FNTB: variants seen among roughly 807,000 people sequenced by gnomAD.
The protein encoded by FNTB is protein farnesyltransferase subunit beta.
FNTB carries 27 observed loss-of-function variants against 59.4 expected under a neutral mutation model. The observed-to-expected ratio is 0.45, with a 90% CI of 0.34 to 0.63. The LOEUF (loss-of-function observed/expected upper bound fraction) is 0.63. Among genes scored for constraint, FNTB ranks in the 20% least tolerant of loss-of-function variants. The pLI, the probability that FNTB is intolerant of heterozygous loss-of-function variation, is 0.02. For synonymous variants in FNTB, 230 were observed against 220.7 expected (o/e 1.04, Z -0.37); for missense variants, 449 against 559.6 (o/e 0.80, Z 1.99).
chr14:65,016,774 G>T (rs535844191), intron 4 of FNTB, among the ~76,000 whole-genome samples: 7 of 152,308 alleles, frequency 4.6e-5, no homozygotes, highest in African/African-American at 1.7e-4. Flanking sequence ...CTTGTGGTAC[G>T]TAGGATGCTT....
chr14:65,057,940 G>C (rs2139689114), intron 11 of FNTB, among the ~76,000 whole-genome samples: 1 of 152,264 alleles, frequency 6.6e-6, no homozygotes, highest in Admixed American at 6.5e-5. Flanking sequence ...TTTTAAGCAA[G>C]TCTGAAAACA....
intron 7 of FNTB, among the ~76,000 whole-genome samples, chr14:65,035,328 C>T (rs970869001): frequency 2.6e-5 from 4 of 152,188 alleles, no homozygotes; most frequent in African/African-American, 4.8e-5. Context: ...TCAAACTCCA[C>T]CAAAATCTGC....
At chr14:65,051,674 C>T (rs1389555637) in intron 9 of FNTB, among the ~76,000 whole-genome samples, 2 of 152,032 alleles carry the variant, frequency 1.3e-5, no homozygotes, top group Middle Eastern at 3.2e-3. Flanking sequence ...TCTTTATAGA[C>T]TGTATCATAA....
chr14:64,993,820 C>T (rs1414273110), intron 1 of FNTB, among the ~76,000 whole-genome samples: 1 of 150,886 alleles, frequency 6.6e-6, no homozygotes, highest in African/African-American at 2.4e-5. Flanking sequence ...CTATTCTCTG[C>T]TTTTATTGAT....
At position 65,028,642 on chromosome 14, in the gene FNTB, A is replaced by G. The variant is rs985797761; in HGVS notation, c.605+861A>G. Among the ~76,000 whole-genome samples the G allele has an allele frequency of 1.3e-5, 2 of 152,234 alleles. No homozygotes were observed. Among genetic ancestry groups the G allele is most frequent in the Non-Finnish European group, 2.9e-5 (2 of 68,044 alleles). On this transcript the variant is annotated intron_variant, in intron 6 of 11. Coordinates refer to ENST00000246166, the MANE Select transcript of FNTB (RefSeq NM_002028.4). The surrounding 1 kb of genome is among the most constrained non-coding windows in gnomAD (Gnocchi z 4.4). ...TTGTGGAGCATAAAATACATTACAGATAATAGGTAATCAGGCTGCAAAGGC... is the reference window on the plus strand; with the variant it reads ...TTGTGGAGCATAAAATACATTACAGGTAATAGGTAATCAGGCTGCAAAGGC...
chr14:65,052,555 C>T (rs1296105083), intron 9 of FNTB, among the ~76,000 whole-genome samples: 2 of 152,122 alleles, frequency 1.3e-5, no homozygotes, highest in Admixed American at 6.6e-5. Flanking sequence ...ACTGTGTGGC[C>T]CACAGAATTC....
In FNTB at chr14:65,007,127, A is replaced by G. The variant is rs1258013577; in HGVS notation, c.209+2814A>G. On this transcript the variant is annotated intron_variant, in intron 2 of 11. Coordinates refer to ENST00000246166, the MANE Select transcript of FNTB (RefSeq NM_002028.4). This position sits in a 1 kb window ranked among gnomAD's most constrained non-coding sequence, Gnocchi z 4.9. ...ACATTTTGGCTGAATGGCTGAGTATATAATTCAACATATCAATATAAGGCT... is the reference window on the plus strand; with the variant it reads ...ACATTTTGGCTGAATGGCTGAGTATGTAATTCAACATATCAATATAAGGCT... Among the ~76,000 whole-genome samples the G allele has an allele frequency of 2.6e-5, 4 of 152,264 alleles. No homozygotes were observed. The highest frequency in any genetic ancestry group is 6.5e-5 in the Admixed American group (1 of 15,290).
chr14:64,993,355 T>C (rs545526775), intron 1 of FNTB, among the ~76,000 whole-genome samples: 1 of 152,354 alleles, frequency 6.6e-6, no homozygotes, highest in African/African-American at 2.4e-5. Flanking sequence ...CCAGGGATAA[T>C]TACTAAATTT....
chr14:65,000,815 CAAAAA>C (rs59420832), intron 1 of FNTB, among the ~76,000 whole-genome samples: 5 of 36,460 alleles, frequency 1.4e-4, no homozygotes, highest in South Asian at 1.5e-3. Context: ...GACTCCGTCT[CAAAAA>C]AAAAAAAAAA....
In FNTB at chr14:65,009,342, C is replaced by T. The variant is rs1440776261; in HGVS notation, c.210-2975C>T. 3.9e-5 allele frequency among the ~76,000 whole-genome samples: 6 copies of T among 152,094 alleles called. No individual in the cohort carries two copies. Among genetic ancestry groups the T allele is most frequent in the Admixed American group, 3.9e-4 (6 of 15,272 alleles). On this transcript the variant is annotated intron_variant, in intron 2 of 11. Transcript: ENST00000246166. The surrounding 1 kb of genome is among the most constrained non-coding windows in gnomAD (Gnocchi z 4.2). Reference sequence around the variant, plus strand: ...CAACATGTTATATTTCTTAATTTCACTGGCGCTTCACTAACTGCCTTATAA... The same window carrying T: ...CAACATGTTATATTTCTTAATTTCATTGGCGCTTCACTAACTGCCTTATAA...
chr14:65,026,734 C>T (rs548215632), intron 4 of FNTB, among the ~76,000 whole-genome samples: 8 of 152,062 alleles, frequency 5.3e-5, no homozygotes, highest in African/African-American at 1.2e-4. Context: ...TGATGGTGCA[C>T]GCCTGTAATC....
At chr14:65,039,877 C>T (rs1387327456) in intron 7 of FNTB, among the ~76,000 whole-genome samples, 2 of 152,096 alleles carry the variant, frequency 1.3e-5, no homozygotes, top group East Asian at 1.9e-4. Context: ...AAAAATATTA[C>T]TAGTAGACCT....
intron 4 of FNTB, among the ~76,000 whole-genome samples, chr14:65,019,520 C>T (rs1032313221): frequency 4.0e-5 from 6 of 151,816 alleles, no homozygotes; most frequent in African/African-American, 1.5e-4. Flanking sequence ...TTTTTTTAAG[C>T]TTACTTGCAT....
chr14:65,044,091 T>C lies in FNTB; in HGVS notation c.823-220T>C, dbSNP rs2062420775. Among the ~76,000 whole-genome samples the C allele has an allele frequency of 6.6e-6, 1 of 152,180 alleles. No homozygotes were observed. Among genetic ancestry groups the C allele is most frequent in the East Asian group, 1.9e-4 (1 of 5,190 alleles). On this transcript the variant is annotated intron_variant, in intron 8 of 11. Transcript: ENST00000246166. The surrounding 1 kb of genome is among the most constrained non-coding windows in gnomAD (Gnocchi z 5.5). The stretch of plus-strand genomic sequence containing the variant: ...TTGTCTGCCAGGCATTGAGCAGAGA[T>C]CAGTGCTGGATGCCTCTACAGCGTT...
chr14:65,032,513 G>C lies in FNTB; in HGVS notation c.606-97G>C. 1 of 1,352,226 alleles carries C rather than the reference G, an allele frequency of 7.4e-7. No homozygotes were observed. Among genetic ancestry groups the C allele is most frequent in the Non-Finnish European group, 1.0e-6 (1 of 997,232 alleles). The allele number at this position is 1,352,226 out of a possible 1,614,324, so 83.8% of individuals were successfully genotyped here. A position where few individuals can be genotyped will look rare whatever the true frequency, so the allele number is the denominator to read the frequency against. ...AGAGTGAGGACAGGAGGTGATTACA[G>C]CTTACTAGGCAAGGCGAGCAGTCCG... On this transcript the variant is annotated intron_variant, in intron 6 of 11. Coordinates refer to ENST00000246166, the MANE Select transcript of FNTB (RefSeq NM_002028.4). The surrounding 1 kb of genome is among the most constrained non-coding windows in gnomAD (Gnocchi z 5.0).
At chr14:65,002,045 T>A (rs755084682) in intron 1 of FNTB, among the ~76,000 whole-genome samples, 9 of 152,188 alleles carry the variant, frequency 5.9e-5, no homozygotes, top group Non-Finnish European at 1.3e-4. Context: ...AGATAATTCT[T>A]TCATGCTTCT....
At position 65,061,185 on chromosome 14, in the gene FNTB, C is replaced by T; in HGVS notation, c.1187C>T (p.Pro396Leu). Residue 396 changes from proline (P) to leucine (L), a missense_variant, in exon 12 of 12, where the codon CCC becomes CTC. Pro to Leu is a moderately conservative substitution (Grantham distance 98, BLOSUM62 -3). This residue lies in a region of FNTB where 337 missense variants were observed against 479.1 expected (regional missense o/e 0.70). Coordinates refer to ENST00000246166, the MANE Select transcript of FNTB (RefSeq NM_002028.4). The part of the protein sequence containing the change: ...VLGVPENALQ[P>L]THPVYNIGPD... ...CACCTTTTCTTCTCTTTGCAGCAGC[C>T]CACTCACCCAGTGTACAACATTGGA... 1.2e-6 allele frequency: 2 copies of T among 1,613,984 alleles called. No individual in the cohort carries two copies. Among genetic ancestry groups the T allele is most frequent in the Non-Finnish European group, 1.7e-6 (2 of 1,179,946 alleles).
chr14:65,027,197 C>T lies in FNTB; in HGVS notation c.375-256C>T, dbSNP rs2061998931. Among the ~76,000 whole-genome samples the T allele has an allele frequency of 6.6e-6, 1 of 152,194 alleles. No homozygotes were observed. The highest frequency in any genetic ancestry group is 1.5e-5 in the Non-Finnish European group (1 of 68,044). ...ATAGCTACGAAAGTCGGTTTCTTCCCAGCCTTGTGTTCCCTGCTTCATGAC... is the reference window on the plus strand; with the variant it reads ...ATAGCTACGAAAGTCGGTTTCTTCCTAGCCTTGTGTTCCCTGCTTCATGAC... On this transcript the variant is annotated intron_variant, in intron 4 of 11. Transcript: ENST00000246166. The surrounding 1 kb of genome is among the most constrained non-coding windows in gnomAD (Gnocchi z 5.7).
At chr14:65,039,416 C>T (rs2062293000) in intron 7 of FNTB, among the ~76,000 whole-genome samples, 2 of 152,214 alleles carry the variant, frequency 1.3e-5, no homozygotes, top group African/African-American at 2.4e-5. Context: ...GATTAAACCT[C>T]TGAAACTTCC....
Sources: gnomAD v4.1 joint callset for allele counts (sites outside exome capture counted in the v4.1 genomes callset) on GRCh38, gnomAD v4.1.1 for gene constraint, gnomAD v4.1.1 regional missense constraint, Gnocchi (gnomAD v3.1) non-coding constraint, MANE v1.5 for transcripts, NCBI Gene and HGNC (gene_info 2026-07-23, HGNC 2026-07-21) for gene names.